The following DIP2A variants were observed in gnomAD, a reference collection of about 807,000 sequenced individuals.
The protein encoded by DIP2A is DIP2 acetate--CoA ligase A, also known as disco-interacting protein 2 homolog A.
In DIP2A, 85 loss-of-function variants were observed where a neutral mutation model predicts 177.4. The ratio of observed to expected loss-of-function variants is 0.48; its 90% CI spans 0.40 to 0.57. DIP2A has a LOEUF of 0.57. DIP2A is among the 20% of genes least tolerant of loss of function. The pLI is 0.00. For missense variants in DIP2A, 1,791 were observed against 2,100.2 expected (o/e 0.85, Z 2.88); for synonymous variants, 886 against 881.8 (o/e 1.00, Z -0.08).
chr21:46,495,240 TTCTTTCTCTC>T (rs2057272214), intron 3 of DIP2A, among the ~76,000 whole-genome samples: 3 of 47,886 alleles, frequency 6.3e-5, no homozygotes, highest in South Asian at 6.6e-4. Context: ...TTCTCTTCTC[TTCTTTCTCTC>T]TCTCTCTCTC....
In DIP2A at chr21:46,533,538, G is replaced by C; in HGVS notation, c.1320G>C (p.Gln440His). 1 of 1,613,746 alleles carries C rather than the reference G, an allele frequency of 6.2e-7. No homozygotes were observed. The highest frequency in any genetic ancestry group is 1.1e-5 in the South Asian group (1 of 91,034). Residue 440 changes from glutamine to histidine, a missense_variant, in exon 11 of 38, where the codon CAG becomes CAC. Gln to His is a conservative substitution (Grantham distance 24, BLOSUM62 0). Transcript: ENST00000417564. ...GCTTTCTGCAGGATGCAGGCAGCCA[G>C]CAGGTTGGGTTTCTGCTGGGCAGCT... The part of the protein sequence containing the change: ...VPLTRKDAGS[Q>H]QVGFLLGSCG...
At chr21:46,501,086 A>G (rs892068423) in intron 5 of DIP2A, among the ~76,000 whole-genome samples, 5 of 152,244 alleles carry the variant, frequency 3.3e-5, no homozygotes, top group Non-Finnish European at 7.3e-5. Context: ...CTAAATCTCA[A>G]AAATACTCAA....
intron 2 of DIP2A, among the ~76,000 whole-genome samples, chr21:46,489,111 G>T (rs570830279): frequency 6.6e-6 from 1 of 151,538 alleles, no homozygotes; most frequent in Non-Finnish European, 1.5e-5. Context: ...GTGTGTGTGG[G>T]TGTGTGTGTG....
chr21:46,567,718 G>A lies in DIP2A; in HGVS notation c.*96G>A, dbSNP rs2060877809. 4 of 1,445,268 alleles carry A rather than the reference G, an allele frequency of 2.8e-6. No homozygotes were observed. Among genetic ancestry groups the A allele is most frequent in the South Asian group, 2.8e-5 (2 of 71,616 alleles). The allele number at this position is 1,445,268 out of a possible 1,614,324, so 89.5% of individuals were successfully genotyped here. A position where few individuals can be genotyped will look rare whatever the true frequency, so the allele number is the denominator to read the frequency against. The stretch of plus-strand genomic sequence containing the variant: ...CCGCAGAGCTCACTCACCGGGACTC[G>A]CCCTTCCTGTGCTCTTACAGATCCC... On this transcript the variant is annotated 3_prime_UTR_variant, in exon 38 of 38. Transcript: ENST00000417564.
chr21:46,491,739 C>T (rs544795629), intron 3 of DIP2A, among the ~76,000 whole-genome samples: 1 of 152,292 alleles, frequency 6.6e-6, no homozygotes, highest in East Asian at 1.9e-4. Flanking sequence ...AAGGTCTCCT[C>T]CTTTCTGCCG....
chr21:46,467,639 A>T (rs1040736474), intron 1 of DIP2A, among the ~76,000 whole-genome samples: 49 of 152,318 alleles, frequency 3.2e-4, no homozygotes, highest in African/African-American at 1.2e-3. Context: ...TTTATAAAAC[A>T]TGTTTGAAAA....
chr21:46,498,224 G>A lies in DIP2A; in HGVS notation c.404-358G>A, dbSNP rs895417919. ...TGACTGATGTGTGGATATGGTGTCC[G>A]ACTCTGTGGACATGCAGTGCAGCAC... On this transcript the variant is annotated intron_variant, in intron 4 of 37. Transcript: ENST00000417564. The surrounding 1 kb of genome is among the most constrained non-coding windows in gnomAD (Gnocchi z 4.3). Among the ~76,000 whole-genome samples, 13 of 152,254 alleles carry A rather than the reference G, an allele frequency of 8.5e-5. No individual in the cohort carries two copies. Among genetic ancestry groups the A allele is most frequent in the East Asian group, 3.9e-4 (2 of 5,164 alleles).
chr21:46,563,981 T>C lies in DIP2A; in HGVS notation c.4164+49T>C. 1 of 1,567,560 alleles carries C rather than the reference T, an allele frequency of 6.4e-7. No individual in the cohort carries two copies. Among genetic ancestry groups the C allele is most frequent in the Non-Finnish European group, 8.7e-7 (1 of 1,155,916 alleles). The stretch of plus-strand genomic sequence containing the variant: ...GCTTGAGCTCTCCAGCCTCACCAGC[T>C]TCACCTTCCTTCCCTTTTTGCTTCA... On this transcript the variant is annotated intron_variant, in intron 35 of 37. Transcript: ENST00000417564. The surrounding 1 kb of genome is among the most constrained non-coding windows in gnomAD (Gnocchi z 4.3).
In DIP2A at chr21:46,538,471, C is replaced by G; in HGVS notation, c.1802-12C>G. Reference sequence around the variant, plus strand: ...GTGACGCAGGGATGTCTGTGCCATCCTCTCTCTGCAGCTCGGGCCGCGCTG... The same window carrying G: ...GTGACGCAGGGATGTCTGTGCCATCGTCTCTCTGCAGCTCGGGCCGCGCTG... On this transcript the variant is annotated splice_polypyrimidine_tract_variant and intron_variant, in intron 15 of 37. Transcript: ENST00000417564. 1.3e-6 allele frequency: 2 copies of G among 1,542,212 alleles called. No homozygotes were observed. Among genetic ancestry groups the G allele is most frequent in the Non-Finnish European group, 1.7e-6 (2 of 1,146,806 alleles).
At chr21:46,524,710 AT>A (rs1411326006) in intron 8 of DIP2A, among the ~76,000 whole-genome samples, 2 of 152,112 alleles carry the variant, frequency 1.3e-5, no homozygotes, top group African/African-American at 4.8e-5. Flanking sequence ...ATACAGGATC[AT>A]TTATAGGAAT....
At position 46,489,715 on chromosome 21, in the gene DIP2A, G is replaced by GA. The variant is rs746854176; in HGVS notation, c.164-882dup. Among the ~76,000 whole-genome samples the GA allele has an allele frequency of 4.6e-5, 7 of 152,304 alleles. No individual in the cohort carries two copies. The East Asian group carries it at 5.8e-4, about 13-fold the overall frequency. ...TGCAATTCCTGCTGGCCAATTTTAT[G>GA]AAACATTTTGAAACAAAGGCTAAAG... On this transcript the variant is annotated intron_variant, in intron 2 of 37. Transcript: ENST00000417564.
chr21:46,495,244 T>TTCTCTTCTCTCTCTCTCTCTCTCTCTCTC (rs2057275285), intron 3 of DIP2A, among the ~76,000 whole-genome samples: 1 of 38,176 alleles, frequency 2.6e-5, no homozygotes. Flanking sequence ...CTTCTCTTCT[T>TTCTCTTCTCTCTCTCTCTCTCTCTCTCTC]TCTCTCTCTC....
chr21:46,532,292 C>T, intron 10 of DIP2A, 55 bp downstream of exon 10: 1 of 1,410,210 alleles, frequency 7.1e-7, no homozygotes, highest in Non-Finnish European at 9.9e-7. Context: ...TTGATACCAG[C>T]AGTATCTTAC....
At chr21:46,546,026 C>T (rs1404043679) in intron 20 of DIP2A, 65 bp downstream of exon 20, 2 of 1,609,578 alleles carry the variant, frequency 1.2e-6, no homozygotes, top group South Asian at 1.1e-5. Context: ...CTAAGGGACA[C>T]CTCGTTGCAG....
intron 7 of DIP2A, among the ~76,000 whole-genome samples, chr21:46,510,873 T>C (rs1414979763): frequency 2.6e-5 from 4 of 152,218 alleles, no homozygotes; most frequent in Middle Eastern, 6.8e-3. Flanking sequence ...GACCTCATGA[T>C]CCACCCGCCT....
At position 46,557,540 on chromosome 21, in the gene DIP2A, G is replaced by A. The variant is rs371081847; in HGVS notation, c.3630-45G>A. 266 of 1,577,428 alleles carry A rather than the reference G, an allele frequency of 1.7e-4. 2 individuals carry two copies. The Middle Eastern group carries it at 6.0e-3, about 36-fold the overall frequency. The stretch of plus-strand genomic sequence containing the variant: ...GGAAGGGAAGAGTGGAGTGCCCAGG[G>A]TGCTGGGTGGGCGGGCGGAGCCTCA... On this transcript the variant is annotated intron_variant, in intron 30 of 37. Coordinates refer to ENST00000417564, the MANE Select transcript of DIP2A (RefSeq NM_015151.4). This position sits in a 1 kb window ranked among gnomAD's most constrained non-coding sequence, Gnocchi z 6.0.
chr21:46,477,574 T>TGTGTGTGTGTGTGTG lies in DIP2A; in HGVS notation c.92-7183_92-7182insGTGTGTGTGTGTGTG, dbSNP rs1292980032. Reference sequence around the variant, plus strand: ...GTGTGTGTGTGTGTGTGTGTATTTCTTTTTTTTTTTTTTTCTTGAGTCAGA... The same window carrying TGTGTGTGTGTGTGTG: ...GTGTGTGTGTGTGTGTGTGTATTTCTGTGTGTGTGTGTGTGTTTTTTTTTTTTTTCTTGAGTCAGA... On this transcript the variant is annotated intron_variant, in intron 1 of 37. Transcript: ENST00000417564. 2.5e-3 allele frequency among the ~76,000 whole-genome samples: 232 copies of TGTGTGTGTGTGTGTG among 93,626 alleles called. 2 individuals are homozygous for TGTGTGTGTGTGTGTG. The highest frequency in any genetic ancestry group is 6.6e-3 in the Admixed American group (60 of 9,128). The allele number at this position is 93,626 out of a possible 152,430, so 61.4% of individuals were successfully genotyped here.
chr21:46,512,831 T>C (rs199987333), intron 8 of DIP2A, among the ~76,000 whole-genome samples: 4 of 4,704 alleles, frequency 8.5e-4, no homozygotes, highest in African/African-American at 7.0e-3. Context: ...CAAAAAAAAC[T>C]TTTTTTTTGT....
Position 46,547,003 on chromosome 21 carries a change from C to G in DIP2A, c.2483C>G (p.Ala828Gly). The change falls in exon 21 of 38, where the codon GCA (alanine) becomes GGA (glycine). Residue 828 changes from alanine (A) to glycine (G), a missense_variant. Physicochemically the swap from Ala to Gly is moderately conservative, Grantham distance 60. Transcript: ENST00000417564. ...RHNADDVVAT[A>G]LAVEPMKFVY... ...AATGCAGATGACGTTGTGGCCACCG[C>G]ACTGGCCGTGGAGCCCATGAAGTTT... 6.2e-7 allele frequency: 1 copy of G among 1,613,980 alleles called. No homozygotes were observed.
Sources: allele counts gnomAD v4.1 joint callset (sites outside exome capture counted in the v4.1 genomes callset), GRCh38; gene constraint gnomAD v4.1.1; non-coding constraint Gnocchi (gnomAD v3.1); transcripts MANE v1.5; gene names NCBI Gene and HGNC (gene_info 2026-07-23, HGNC 2026-07-21).